Variants in IQSEC1 observed in about 807,000 individuals in gnomAD.
IQSEC1 encodes IQ motif and Sec7 domain ArfGEF 1.
In IQSEC1, 31 loss-of-function variants were observed where a neutral mutation model predicts 91.0. That is an observed-to-expected ratio of 0.34 (90% CI 0.26 to 0.46). The LOEUF is 0.46. Among genes scored for constraint, IQSEC1 ranks in the 20% least tolerant of loss-of-function variants. The pLI is 1.00. For missense variants in IQSEC1, 1,388 were observed against 1,575.6 expected (o/e 0.88, Z 2.02); for synonymous variants, 699 against 662.6 (o/e 1.05, Z -0.84).
Position 12,901,146 on chromosome 3 carries a change from C to A in IQSEC1, c.3182G>T (p.Gly1061Val). 6.5e-7 allele frequency: 1 copy of A among 1,543,252 alleles called. No homozygotes were observed. Among genetic ancestry groups the A allele is most frequent in the Non-Finnish European group, 8.7e-7 (1 of 1,145,620 alleles). ...HIQHAHQYHHGPHGGHPAYGA... is the reference protein window; with the variant it reads ...HIQHAHQYHHVPHGGHPAYGA... The stretch of plus-strand genomic sequence containing the variant: ...GTAGGCTGGGTGGCCCCCATGGGGG[C>A]CGTGGTGGTACTGGTGTGCGTGCTG... The change falls in exon 14 of 14, where the codon GGC becomes GTC. Residue 1061 changes from glycine to valine, a missense_variant. Physicochemically the swap from Gly to Val is moderately radical, Grantham distance 109 (BLOSUM62 -3). Coordinates refer to ENST00000613206, the MANE Select transcript of IQSEC1 (RefSeq NM_001134382.3).
At chr3:13,022,581 G>C (rs1484349272) in intron 1 of IQSEC1, 2 of 452,084 alleles carry the variant, frequency 4.4e-6, no homozygotes, top group Non-Finnish European at 5.8e-6. Context: ...GGAGAGGCGA[G>C]CTCAGAGAGA....
rs1264055702 is a variant in IQSEC1, at chr3:12,967,744, C to CGGGGGCGGGGCCGGAGGGCGAGCT, written c.24-25903_24-25880dup. 1,146 of 1,025,494 alleles carry CGGGGGCGGGGCCGGAGGGCGAGCT rather than the reference C, an allele frequency of 1.1e-3. 16 individuals are homozygous for CGGGGGCGGGGCCGGAGGGCGAGCT. The African/African-American group carries it at 0.018, about 16-fold the overall frequency. The allele number at this position is 1,025,494 out of a possible 1,614,324, so 63.5% of individuals were successfully genotyped here. On this transcript the variant is annotated intron_variant, in intron 1 of 13. Transcript: ENST00000613206. This position sits in a 1 kb window ranked among gnomAD's most constrained non-coding sequence, Gnocchi z 5.9. ...TGGCCCTGAAGTGGGCGGGGCAGGG[C>CGGGGGCGGGGCCGGAGGGCGAGCT]GGGGGCGGGGCCGGAGGGCGAGCTG...
In IQSEC1 at chr3:12,949,726, C is replaced by T. The variant is rs115247295; in HGVS notation, c.24-7861G>A. On this transcript the variant is annotated intron_variant, in intron 1 of 13. Transcript: ENST00000613206. ...AGGGCTATCTTCACCTCTATGCCCC[C>T]GTCTCGGGGAGGGATGGGACACAGC... Among the ~76,000 whole-genome samples the T allele has an allele frequency of 2.6e-3, 395 of 151,938 alleles. 3 individuals are homozygous for T. The highest frequency in any genetic ancestry group is 9.1e-3 in the African/African-American group (377 of 41,414).
At chr3:13,032,794 C>A (rs973925381) in intron 1 of IQSEC1, among the ~76,000 whole-genome samples, 2 of 152,166 alleles carry the variant, frequency 1.3e-5, no homozygotes, top group African/African-American at 4.8e-5. Flanking sequence ...CCGTGTTAGC[C>A]AGGATGGTCT....
intron 1 of IQSEC1, among the ~76,000 whole-genome samples, chr3:12,951,383 A>C (rs1699533241): frequency 6.6e-6 from 1 of 152,068 alleles, no homozygotes; most frequent in South Asian, 2.1e-4. Context: ...AGATTGCACC[A>C]CTGGGCAACA....
intron 2 of IQSEC1, among the ~76,000 whole-genome samples, chr3:13,108,689 G>A (rs1405733589): frequency 6.6e-6 from 1 of 152,204 alleles, no homozygotes; most frequent in Non-Finnish European, 1.5e-5. Context: ...AGAAAACCCA[G>A]CAGCAACCTC....
chr3:12,973,314 G>A (rs1466942872), intron 1 of IQSEC1, among the ~76,000 whole-genome samples: 4 of 152,070 alleles, frequency 2.6e-5, no homozygotes, highest in Non-Finnish European at 5.9e-5. Flanking sequence ...CTGTTTCCAC[G>A]TCCTGGGTTG....
intron 1 of IQSEC1, among the ~76,000 whole-genome samples, chr3:13,036,173 G>A (rs1052110530): frequency 3.9e-5 from 6 of 152,156 alleles, no homozygotes; most frequent in South Asian, 4.1e-4. Flanking sequence ...CATAACAACC[G>A]CGACAGTTAC....
chr3:13,002,180 A>C (rs949291754), intron 1 of IQSEC1, among the ~76,000 whole-genome samples: 1 of 152,218 alleles, frequency 6.6e-6, no homozygotes, highest in African/African-American at 2.4e-5. Flanking sequence ...CATACACAAA[A>C]ATTAACTCAA....
chr3:12,944,277 C>G (rs1432218624), intron 1 of IQSEC1, among the ~76,000 whole-genome samples: 1 of 152,224 alleles, frequency 6.6e-6, no homozygotes, highest in Non-Finnish European at 1.5e-5. Flanking sequence ...AGGGGGAGAA[C>G]AGGCAGATCT....
chr3:13,176,690 C>CA (rs1451565711), intron 1 of IQSEC1, among the ~76,000 whole-genome samples: 2 of 152,232 alleles, frequency 1.3e-5, no homozygotes, highest in East Asian at 3.9e-4. Flanking sequence ...CACCAAAGCA[C>CA]AGAGCTGGCA....
intron 1 of IQSEC1, 115 bp downstream of exon 1, chr3:13,072,877 A>T: frequency 1.1e-6 from 1 of 921,438 alleles, no homozygotes; most frequent in Non-Finnish European, 1.7e-6. Context: ...TCCCTCTGCA[A>T]GTCACCTGCA....
In IQSEC1 at chr3:12,908,010, G is replaced by A. The variant is rs750288; in HGVS notation, c.2755+339C>T. On this transcript the variant is annotated intron_variant, in intron 12 of 13. Coordinates refer to ENST00000613206, the MANE Select transcript of IQSEC1 (RefSeq NM_001134382.3). This position sits in a 1 kb window ranked among gnomAD's most constrained non-coding sequence, Gnocchi z 4.9. Reference sequence around the variant, plus strand: ...AGGGACGCGGCCGCACAGAGAGCACGGGACACAGCCGCCGGCTCACTCGGG... The same window carrying A: ...AGGGACGCGGCCGCACAGAGAGCACAGGACACAGCCGCCGGCTCACTCGGG... 3.9e-5 allele frequency among the ~76,000 whole-genome samples: 6 copies of A among 152,292 alleles called. No individual in the cohort carries two copies. Among genetic ancestry groups the A allele is most frequent in the Non-Finnish European group, 8.8e-5 (6 of 68,020 alleles).
At chr3:13,125,356 C>T (rs988890475) in intron 2 of IQSEC1, among the ~76,000 whole-genome samples, 1 of 152,234 alleles carries the variant, frequency 6.6e-6, no homozygotes, top group Non-Finnish European at 1.5e-5. Context: ...AGGTGAGGCC[C>T]TCCAGCTGCT....
At chr3:12,969,935 A>G (rs1030765811) in intron 1 of IQSEC1, among the ~76,000 whole-genome samples, 2 of 152,176 alleles carry the variant, frequency 1.3e-5, no homozygotes, top group African/African-American at 4.8e-5. Flanking sequence ...GCAGATTAAT[A>G]ATTTAGGGAA....
At chr3:13,277,626 C>T (rs1295133715) in intron 1 of IQSEC1, among the ~76,000 whole-genome samples, 1 of 152,202 alleles carries the variant, frequency 6.6e-6, no homozygotes, top group African/African-American at 2.4e-5. Context: ...GACAAGTCTC[C>T]CAGAGCATGC....
chr3:12,958,062 G>GC (rs1223531169), intron 1 of IQSEC1, among the ~76,000 whole-genome samples: 1 of 152,146 alleles, frequency 6.6e-6, no homozygotes, highest in African/African-American at 2.4e-5. Context: ...GCTGGCTGAG[G>GC]CCCCGGGACA....
At chr3:13,048,071 G>C (rs1164780915) in intron 1 of IQSEC1, among the ~76,000 whole-genome samples, 2 of 152,162 alleles carry the variant, frequency 1.3e-5, no homozygotes, top group Admixed American at 1.3e-4. Context: ...TCTGTGCTAT[G>C]GGGTGTGGGC....
intron 1 of IQSEC1, among the ~76,000 whole-genome samples, chr3:13,174,864 C>A (rs1693696493): frequency 1.3e-5 from 2 of 148,874 alleles, no homozygotes; most frequent in Non-Finnish European, 1.5e-5. Flanking sequence ...ACCACTGTCT[C>A]TCTCGCCCCC....
Sources: gnomAD v4.1 joint callset for allele counts (sites outside exome capture counted in the v4.1 genomes callset) on GRCh38, gnomAD v4.1.1 for gene constraint, Gnocchi (gnomAD v3.1) non-coding constraint, MANE v1.5 for transcripts, NCBI Gene and HGNC (gene_info 2026-07-23, HGNC 2026-07-21) for gene names.